COA1: variants seen among roughly 807,000 people sequenced by gnomAD.
COA1 encodes the protein cytochrome c oxidase assembly factor 1.
Under a neutral mutation model 16.0 loss-of-function variants are expected in COA1, and 13 were observed. That is an observed-to-expected ratio of 0.81 (90% confidence interval 0.53 to 1.29). The LOEUF (loss-of-function observed/expected upper bound fraction) is 1.29. Among genes scored for constraint, COA1 ranks in the 50% most tolerant of loss-of-function variants. The pLI is 0.00. For missense variants in COA1, 179 were observed against 177.0 expected (o/e 1.01, Z -0.06); for synonymous variants, 65 against 65.7 (o/e 0.99, Z 0.05).
intron 1 of COA1, among the ~76,000 whole-genome samples, chr7:43,719,691 T>A (rs1470632858): frequency 1.3e-5 from 2 of 152,196 alleles, no homozygotes; most frequent in East Asian, 3.9e-4. Flanking sequence ...ATGGATGGCT[T>A]CCTGACTACT....
At chr7:43,645,649 T>C (rs1388867064) in intron 3 of COA1, 1 of 388,124 alleles carries the variant, frequency 2.6e-6, no homozygotes, top group Non-Finnish European at 4.8e-6. Flanking sequence ...AGACCCTTTC[T>C]GCTTCACCTC....
At chr7:43,720,610 T>C (rs576365816) in intron 1 of COA1, among the ~76,000 whole-genome samples, 1 of 152,292 alleles carries the variant, frequency 6.6e-6, no homozygotes, top group South Asian at 2.1e-4. Context: ...TGAAAAATCA[T>C]TGTTCTGTGC....
At chr7:43,700,529 GATATAT>G (rs142644587) in intron 1 of COA1, among the ~76,000 whole-genome samples, 2 of 142,686 alleles carry the variant, frequency 1.4e-5, no homozygotes, top group South Asian at 2.2e-4. Flanking sequence ...AATGTAGGCA[GATATAT>G]ATATATATAT....
intron 1 of COA1, among the ~76,000 whole-genome samples, chr7:43,696,600 T>C (rs1273788440): frequency 6.6e-6 from 1 of 152,008 alleles, no homozygotes; most frequent in African/African-American, 2.4e-5. Context: ...GCTGAACTAA[T>C]AAAAAGCAAA....
At chr7:43,686,545 C>T (rs1333882378) in intron 1 of COA1, among the ~76,000 whole-genome samples, 17 of 152,212 alleles carry the variant, frequency 1.1e-4, no homozygotes. Context: ...CCGCCCGCCT[C>T]GGCCTCCCAA....
intron 6 of COA1, among the ~76,000 whole-genome samples, chr7:43,613,197 T>C (rs556217583): frequency 2.6e-5 from 4 of 152,338 alleles, no homozygotes; most frequent in African/African-American, 9.6e-5. Flanking sequence ...TCTGCATCCA[T>C]GGATTCAACC....
chr7:43,691,386 A>T (rs1201570990), intron 1 of COA1, among the ~76,000 whole-genome samples: 1 of 100,040 alleles, frequency 1.0e-5, no homozygotes, highest in Non-Finnish European at 2.1e-5. Flanking sequence ...GGAGGAAGGA[A>T]GGAAGGAAGG....
intron 1 of COA1, among the ~76,000 whole-genome samples, chr7:43,707,577 T>C (rs2095041553): frequency 6.6e-6 from 1 of 152,172 alleles, no homozygotes; most frequent in African/African-American, 2.4e-5. Context: ...AACATTCTAG[T>C]TCTGTACTGT....
At chr7:43,703,159 T>C (rs1015655475) in intron 1 of COA1, among the ~76,000 whole-genome samples, 1 of 152,214 alleles carries the variant, frequency 6.6e-6, no homozygotes, top group Non-Finnish European at 1.5e-5. Context: ...GGGGATCTTC[T>C]TGGTATTGAG....
intron 1 of COA1, among the ~76,000 whole-genome samples, chr7:43,722,694 C>T (rs942859943): frequency 4.6e-5 from 7 of 152,180 alleles, no homozygotes; most frequent in African/African-American, 1.2e-4. Flanking sequence ...TGAGCCACCA[C>T]GCCCAGCTAG....
chr7:43,637,991 G>GTAAC (rs2086186726), downstream of COA1, among the ~76,000 whole-genome samples: 1 of 152,180 alleles, frequency 6.6e-6, no homozygotes. Context: ...AGGACAGTGT[G>GTAAC]TAACTTAAAG....
At chr7:43,619,525 T>C in intron 6 of COA1, 1 of 1,540,374 alleles carries the variant, frequency 6.5e-7, no homozygotes, top group Non-Finnish European at 8.8e-7. Flanking sequence ...GTGAAATATG[T>C]TTTATGGGCT....
chr7:43,689,043 C>T (rs776672182), intron 1 of COA1, among the ~76,000 whole-genome samples: 1 of 152,184 alleles, frequency 6.6e-6, no homozygotes, highest in East Asian at 1.9e-4. Flanking sequence ...TCTAACCCCA[C>T]GTATTTAAAT....
chr7:43,679,624 A>C (rs1013316371), intron 1 of COA1, among the ~76,000 whole-genome samples: 1 of 152,224 alleles, frequency 6.6e-6, no homozygotes, highest in African/African-American at 2.4e-5. Flanking sequence ...CATCCCCTGG[A>C]CTAGAATACT....
intron 6 of COA1, among the ~76,000 whole-genome samples, chr7:43,611,905 A>G (rs1164777603): frequency 6.6e-6 from 1 of 152,224 alleles, no homozygotes; most frequent in East Asian, 1.9e-4. Context: ...GTGACTATTC[A>G]AGAACTAATT....
chr7:43,696,277 A>T (rs1329972446), intron 1 of COA1, among the ~76,000 whole-genome samples: 1 of 152,222 alleles, frequency 6.6e-6, no homozygotes, highest in African/African-American at 2.4e-5. Flanking sequence ...AAACCATCAG[A>T]TCTTGTGAGA....
At chr7:43,712,367 C>G (rs1043118732) in intron 1 of COA1, among the ~76,000 whole-genome samples, 4 of 152,172 alleles carry the variant, frequency 2.6e-5, no homozygotes, top group Admixed American at 2.0e-4. Context: ...CCTGCCTCGG[C>G]CCCACAAAGT....
chr7:43,697,396 A>T (rs1056921560), intron 1 of COA1, among the ~76,000 whole-genome samples: 1 of 151,754 alleles, frequency 6.6e-6, no homozygotes, highest in African/African-American at 2.4e-5. Context: ...GGTTCAAGTG[A>T]TTCTCCTGTC....
intron 1 of COA1, among the ~76,000 whole-genome samples, chr7:43,654,763 G>A (rs748816523): frequency 6.6e-6 from 1 of 152,090 alleles, no homozygotes; most frequent in Non-Finnish European, 1.5e-5. Context: ...CTTGAAAAAA[G>A]ACAAAAATGT....
Sources: gnomAD v4.1 joint callset for allele counts (sites outside exome capture counted in the v4.1 genomes callset) on GRCh38, gnomAD v4.1.1 for gene constraint, MANE v1.5 for transcripts, NCBI Gene and HGNC (gene_info 2026-07-23, HGNC 2026-07-21) for gene names.